Variants in STS observed in about 807,000 individuals in gnomAD.
STS encodes the protein steryl-sulfatase.
In STS, 7 loss-of-function variants were observed where a neutral mutation model predicts 26.8. The ratio of observed to expected loss-of-function variants is 0.26; its 90% CI spans 0.15 to 0.49. STS has a LOEUF of 0.49. STS is among the 20% of genes least tolerant of loss of function. STS has a pLI of 0.98. For synonymous variants in STS, 199 were observed against 189.4 expected (o/e 1.05, Z -0.42); for missense variants, 434 against 465.6 (o/e 0.93, Z 0.63).
intron 2 of STS, among the ~76,000 whole-genome samples, chrX:7,214,956 TATATATATTATATATGTATATATAC>T (rs1921190254): frequency 2.3e-5 from 2 of 85,293 alleles, no homozygotes; most frequent in Admixed American, 1.5e-4. Context: ...TATATACGTA[TATATATATTATATATGTATATATAC>T]ATATATATAC....
chrX:7,247,049 GTA>G (rs1244394047), intron 2 of STS, among the ~76,000 whole-genome samples: 5 of 112,213 alleles, frequency 4.5e-5, no homozygotes, highest in African/African-American at 9.7e-5. Context: ...GTGTGTGTGT[GTA>G]TGTGTGTGTG....
At chrX:7,320,152 AT>A (rs1240423281) in intron 8 of STS, among the ~76,000 whole-genome samples, 31 of 97,502 alleles carry the variant, frequency 3.2e-4, no homozygotes, top group South Asian at 1.3e-3. Context: ...ATATTTATAT[AT>A]TTTTTATTAT....
At chrX:7,296,813 A>G (rs1310274980) in intron 7 of STS, among the ~76,000 whole-genome samples, 1 of 112,451 alleles carries the variant, frequency 8.9e-6, no homozygotes, top group African/African-American at 3.2e-5. Flanking sequence ...GCAGGAGGGT[A>G]AATCACACAT....
rs183556797 is a variant in STS at position 7,307,972 on chromosome X, T to A, written c.1081+2789T>A. Among the ~76,000 whole-genome samples the A allele has an allele frequency of 1.1e-4, 12 of 112,581 alleles. No individual in the cohort carries two copies. The Admixed American group carries it at 1.1e-3, about 11-fold the overall frequency. ...CCTTGTCTATTATTTTACTCTATGATTACCTTCTTGCTTATCAGTTGCTCA... is the reference window on the plus strand; with the variant it reads ...CCTTGTCTATTATTTTACTCTATGAATACCTTCTTGCTTATCAGTTGCTCA... On this transcript the variant is annotated intron_variant, in intron 8 of 10. Coordinates refer to ENST00000674429, the MANE Select transcript of STS (RefSeq NM_001320752.2).
chrX:7,329,541 G>C (rs906489754), intron 9 of STS, among the ~76,000 whole-genome samples: 70 of 112,410 alleles, frequency 6.2e-4, no homozygotes, highest in African/African-American at 2.2e-3. Flanking sequence ...TTAGAAAATA[G>C]TCTTAACTCC....
intron 1 of STS, 100 bp downstream of exon 1, chrX:7,148,183 G>T: frequency 1.3e-6 from 1 of 763,364 alleles, no homozygotes; most frequent in Non-Finnish European, 1.8e-6. Context: ...CCGCGCACGC[G>T]CACTGAGGAC....
At chrX:7,345,711 T>C (rs765339505) in intron 10 of STS, among the ~76,000 whole-genome samples, 31 of 111,855 alleles carry the variant, frequency 2.8e-4, no homozygotes, top group African/African-American at 1.0e-3. Flanking sequence ...CTCTTTCAGC[T>C]TTTAATAGTA....
intron 2 of STS, among the ~76,000 whole-genome samples, chrX:7,241,779 C>A (rs773447968): frequency 8.9e-6 from 1 of 112,031 alleles, no homozygotes; most frequent in South Asian, 3.7e-4. Context: ...TTAGCTGGAT[C>A]CTCCTTAGCT....
intron 2 of STS, among the ~76,000 whole-genome samples, chrX:7,225,658 A>G (rs748025093): frequency 1.3e-4 from 14 of 111,662 alleles, no homozygotes; most frequent in Non-Finnish European, 2.1e-4. Flanking sequence ...TGTTGTTTGT[A>G]CAAGCATTTC....
intron 1 of STS, among the ~76,000 whole-genome samples, chrX:7,152,065 GC>G (rs1238145027): frequency 2.7e-5 from 3 of 110,371 alleles, no homozygotes. Flanking sequence ...CCGTTCTCCT[GC>G]CTCAGCCTCC....
chrX:7,245,610 A>T (rs759602705), intron 2 of STS, among the ~76,000 whole-genome samples: 5 of 112,424 alleles, frequency 4.4e-5, no homozygotes, highest in Admixed American at 2.8e-4. Context: ...GATGCTAGGG[A>T]TATAGCCAGG....
Position 7,350,393 on chromosome X carries a change from C to A in STS, c.*132C>A. 1 of 959,473 alleles carries A rather than the reference C, an allele frequency of 1.0e-6. No individual in the cohort carries two copies. The highest frequency in any genetic ancestry group is 1.4e-6 in the Non-Finnish European group (1 of 703,160). 79.1% of individuals were successfully genotyped at this position (959,473 alleles called of 1,213,427 possible). A position where few individuals can be genotyped will look rare whatever the true frequency, so the allele number is the denominator to read the frequency against. On this transcript the variant is annotated 3_prime_UTR_variant, in exon 11 of 11. Coordinates refer to ENST00000674429, the MANE Select transcript of STS (RefSeq NM_001320752.2). Reference sequence around the variant, plus strand: ...TTGGACTGATTCTCCATTTTATCACCTGAAGGCTTGGGCCAGAGCTCAACA... The same window carrying A: ...TTGGACTGATTCTCCATTTTATCACATGAAGGCTTGGGCCAGAGCTCAACA...
intron 1 of STS, among the ~76,000 whole-genome samples, chrX:7,152,394 G>T (rs1331058233): frequency 9.0e-6 from 1 of 111,588 alleles, no homozygotes; most frequent in Non-Finnish European, 1.9e-5. Context: ...TCGGCTCACT[G>T]CAACTCCCCT....
Position 7,172,774 on chromosome X carries a change from C to T in STS, c.-133-18106C>T, listed in dbSNP as rs765034421. On this transcript the variant is annotated intron_variant, in intron 1 of 10. Coordinates refer to ENST00000674429, the MANE Select transcript of STS (RefSeq NM_001320752.2). ...AATAAACCACCAGGCCTGGTCCAGA[C>T]GGTGAATAATGAGTTCTTACCTACA... 2.0e-3 allele frequency among the ~76,000 whole-genome samples: 222 copies of T among 111,547 alleles called. 1 individual carries two copies. The highest frequency in any genetic ancestry group is 6.6e-3 in the African/African-American group (202 of 30,741).
At position 7,247,735 on chromosome X, in the gene STS, G is replaced by T. The variant is rs774199238; in HGVS notation, c.-4-5461G>T. On this transcript the variant is annotated intron_variant, in intron 2 of 10. Transcript: ENST00000674429. ...GACATCTTTGGATCTCATAACTGAG[G>T]GGAGTTATACATGCTACTGGCATGT... Among the ~76,000 whole-genome samples, 24 of 111,711 alleles carry T rather than the reference G, an allele frequency of 2.1e-4. 1 individual carries two copies. The South Asian group carries it at 8.6e-3, about 40-fold the overall frequency.
chrX:7,309,042 C>T (rs768095023), intron 8 of STS, among the ~76,000 whole-genome samples: 1 of 111,575 alleles, frequency 9.0e-6, no homozygotes, highest in African/African-American at 3.3e-5. Flanking sequence ...GAGAATCTCG[C>T]TCTGCCACCC....
intron 7 of STS, among the ~76,000 whole-genome samples, chrX:7,287,987 T>G (rs1249512131): frequency 1.8e-5 from 2 of 111,101 alleles, no homozygotes; most frequent in Non-Finnish European, 3.8e-5. Flanking sequence ...TTCACTATTT[T>G]TTTTTCTATT....
At chrX:7,251,829 T>C (rs996010859) in intron 2 of STS, among the ~76,000 whole-genome samples, 1 of 110,380 alleles carries the variant, frequency 9.1e-6, no homozygotes, top group Admixed American at 9.7e-5. Flanking sequence ...GGCATGGCAG[T>C]GTGCACCTGT....
intron 5 of STS, among the ~76,000 whole-genome samples, chrX:7,258,311 T>C (rs1386339081): frequency 9.3e-6 from 1 of 107,486 alleles, no homozygotes; most frequent in South Asian, 4.1e-4. Flanking sequence ...TATATATAAA[T>C]AGATGCAGGG....
Sources: gnomAD v4.1 joint callset for allele counts (sites outside exome capture counted in the v4.1 genomes callset) on GRCh38, gnomAD v4.1.1 for gene constraint, MANE v1.5 for transcripts, NCBI Gene and HGNC (gene_info 2026-07-23, HGNC 2026-07-21) for gene names.